GRM8: variants seen among roughly 807,000 people sequenced by gnomAD.
GRM8 encodes the protein metabotropic glutamate receptor 8.
Under a neutral mutation model 87.2 loss-of-function variants are expected in GRM8, and 47 were observed. That is an observed-to-expected ratio of 0.54 (90% CI 0.43 to 0.69). The LOEUF is 0.69. Among genes scored for constraint, GRM8 ranks in the 30% least tolerant of loss-of-function variants. The pLI is 0.00. For missense variants in GRM8, 1,019 were observed against 1,139.2 expected (o/e 0.89, Z 1.52); for synonymous variants, 396 against 404.5 (o/e 0.98, Z 0.25).
rs139428747 is a variant in GRM8, at chr7:126,790,646, C to T, written c.1157-20581G>A. The stretch of plus-strand genomic sequence containing the variant: ...GAGGTGAATCCGCTTTGTTTTCTTA[C>T]GGTCGTGCCAAGGCAGTCAGAGGGT... On this transcript the variant is annotated intron_variant, in intron 6 of 10. Coordinates refer to ENST00000339582, the MANE Select transcript of GRM8 (RefSeq NM_000845.3). Among the ~76,000 whole-genome samples the T allele has an allele frequency of 4.6e-4, 70 of 152,192 alleles. 1 individual carries two copies. Among genetic ancestry groups the T allele is most frequent in the Admixed American group, 3.7e-3 (56 of 15,292 alleles).
rs180981400 is a variant in GRM8 at position 126,545,883 on chromosome 7, G to C, written c.1495-11996C>G. ...TTTGATTCCTGCATGCAGAAACTAA[G>C]ATAATTCATTTTAAATTATTCTGTG... On this transcript the variant is annotated intron_variant, in intron 8 of 10. Coordinates refer to ENST00000339582, the MANE Select transcript of GRM8 (RefSeq NM_000845.3). Among the ~76,000 whole-genome samples, 631 of 152,188 alleles carry C rather than the reference G, an allele frequency of 4.1e-3. 1 individual carries two copies. Among genetic ancestry groups the C allele is most frequent in the Non-Finnish European group, 7.3e-3 (499 of 67,992 alleles).
intron 9 of GRM8, among the ~76,000 whole-genome samples, chr7:126,490,138 C>T (rs1248327601): frequency 6.6e-6 from 1 of 152,072 alleles, no homozygotes; most frequent in Non-Finnish European, 1.5e-5. Flanking sequence ...TACTAAATCT[C>T]CTCTTACATA....
At chr7:126,913,506 C>T (rs184710021) in intron 3 of GRM8, among the ~76,000 whole-genome samples, 95 of 152,282 alleles carry the variant, frequency 6.2e-4, no homozygotes, top group African/African-American at 2.2e-3. Context: ...AGCCCATCCA[C>T]CATTATTTAT....
intron 6 of GRM8, among the ~76,000 whole-genome samples, chr7:126,806,306 G>A (rs559144220): frequency 1.6e-3 from 247 of 152,308 alleles, no homozygotes; most frequent in Non-Finnish European, 2.0e-3. Flanking sequence ...TCGTGGTCTC[G>A]CGGCCTTCAG....
intron 5 of GRM8, among the ~76,000 whole-genome samples, chr7:126,903,677 A>ATATATATATGTATATG (rs1802360614): frequency 7.2e-6 from 1 of 138,204 alleles, no homozygotes; most frequent in Non-Finnish European, 1.6e-5. Flanking sequence ...GTATATGTGT[A>ATATATATATGTATATG]TATATATATG....
chr7:126,937,093 G>A (rs1021837734), intron 3 of GRM8, among the ~76,000 whole-genome samples: 2 of 152,290 alleles, frequency 1.3e-5, no homozygotes, highest in African/African-American at 4.8e-5. Context: ...TCCCCAAGCA[G>A]TACAAGGTAA....
intron 2 of GRM8, among the ~76,000 whole-genome samples, chr7:127,169,013 A>C (rs1342886223): frequency 6.6e-6 from 1 of 151,916 alleles, no homozygotes; most frequent in Admixed American, 6.6e-5. Flanking sequence ...AAAAAAAAAA[A>C]ACCTCTAACT....
At chr7:126,774,021 TTTA>T in intron 6 of GRM8, among the ~76,000 whole-genome samples, 1 of 152,280 alleles carries the variant, frequency 6.6e-6, no homozygotes, top group Middle Eastern at 3.4e-3. Flanking sequence ...TTTTTGTTCT[TTTA>T]AAGAGTTCAG....
At position 126,627,375 on chromosome 7, in the gene GRM8, A is replaced by G. The variant is rs140696096; in HGVS notation, c.1358-17877T>C. Among the ~76,000 whole-genome samples the G allele has an allele frequency of 3.0e-3, 450 of 152,360 alleles. 3 individuals are homozygous for G. The highest frequency in any genetic ancestry group is 4.0e-3 in the Non-Finnish European group (274 of 68,038). ...GGACAGTGTCCTACAGCAGTAAATTATCCAAAATGTCAGTAGTTTCATGTT... is the reference window on the plus strand; with the variant it reads ...GGACAGTGTCCTACAGCAGTAAATTGTCCAAAATGTCAGTAGTTTCATGTT... On this transcript the variant is annotated intron_variant, in intron 7 of 10. Coordinates refer to ENST00000339582, the MANE Select transcript of GRM8 (RefSeq NM_000845.3).
At chr7:126,937,552 A>G (rs1413153106) in intron 3 of GRM8, among the ~76,000 whole-genome samples, 1 of 152,232 alleles carries the variant, frequency 6.6e-6, no homozygotes, top group Non-Finnish European at 1.5e-5. Flanking sequence ...ATGTGGCCAC[A>G]AAAGACAGAG....
chr7:126,726,105 A>G (rs1014508975), intron 7 of GRM8, among the ~76,000 whole-genome samples: 2 of 152,154 alleles, frequency 1.3e-5, no homozygotes, highest in Admixed American at 1.3e-4. Flanking sequence ...ATATTTTCTC[A>G]CAGCATTTTT....
intron 7 of GRM8, among the ~76,000 whole-genome samples, chr7:126,638,792 C>G (rs1403963024): frequency 6.6e-6 from 1 of 152,206 alleles, no homozygotes; most frequent in Non-Finnish European, 1.5e-5. Flanking sequence ...TCTAGACACC[C>G]TGGAGCCACT....
At chr7:126,944,756 C>T (rs1484338133) in intron 3 of GRM8, among the ~76,000 whole-genome samples, 1 of 152,032 alleles carries the variant, frequency 6.6e-6, no homozygotes, top group Non-Finnish European at 1.5e-5. Flanking sequence ...CTCCAAAATA[C>T]ATAAAGAACT....
intron 8 of GRM8, among the ~76,000 whole-genome samples, chr7:126,573,571 T>C (rs774321001): frequency 2.0e-5 from 3 of 148,616 alleles, no homozygotes; most frequent in Non-Finnish European, 4.5e-5. Flanking sequence ...TACCTTTATT[T>C]CATTTTATTT....
At chr7:126,597,623 T>C (rs1467639900) in intron 8 of GRM8, among the ~76,000 whole-genome samples, 1 of 152,110 alleles carries the variant, frequency 6.6e-6, no homozygotes, top group Non-Finnish European at 1.5e-5. Context: ...TATTTTCATT[T>C]TTATTACTTT....
At chr7:127,073,801 T>C (rs1821971509) in intron 3 of GRM8, among the ~76,000 whole-genome samples, 1 of 152,140 alleles carries the variant, frequency 6.6e-6, no homozygotes, top group Non-Finnish European at 1.5e-5. Context: ...ACCAGCTTTT[T>C]TCAGACATTT....
chr7:127,033,077 T>C (rs1474866937), intron 3 of GRM8, among the ~76,000 whole-genome samples: 1 of 151,488 alleles, frequency 6.6e-6, no homozygotes, highest in Non-Finnish European at 1.5e-5. Context: ...GACAAGAATT[T>C]TTTCAGATGT....
chr7:127,078,958 T>G lies in GRM8; in HGVS notation c.727+27538A>C, dbSNP rs577017653. ...ATTCATCTATAAGGAAAAGGATGTA[T>G]GAAAGAAATAGGAAATTTCAACTTA... On this transcript the variant is annotated intron_variant, in intron 3 of 10. Coordinates refer to ENST00000339582, the MANE Select transcript of GRM8 (RefSeq NM_000845.3). Among the ~76,000 whole-genome samples, 197 of 152,322 alleles carry G rather than the reference T, an allele frequency of 1.3e-3. 3 individuals carry two copies. In the South Asian group the frequency reaches 0.038, roughly 30 times the overall value.
chr7:126,701,857 G>C (rs1169448419), intron 7 of GRM8: 3 of 934,032 alleles, frequency 3.2e-6, no homozygotes, highest in East Asian at 6.1e-5. Context: ...AGAGAATAGT[G>C]ATTATAATGA....
Sources: allele counts gnomAD v4.1 joint callset (sites outside exome capture counted in the v4.1 genomes callset), GRCh38; gene constraint gnomAD v4.1.1; transcripts MANE v1.5; gene names NCBI Gene and HGNC (gene_info 2026-07-23, HGNC 2026-07-21).